The following CDH10 variants were observed in gnomAD, a reference collection of about 807,000 sequenced individuals.
CDH10 encodes the protein cadherin-10.
Under a neutral mutation model 73.1 loss-of-function variants are expected in CDH10, and 30 were observed. The ratio of observed to expected loss-of-function variants is 0.41; its 90% confidence interval spans 0.31 to 0.56. CDH10 has a LOEUF of 0.56. Among genes scored for constraint, CDH10 ranks in the 20% least tolerant of loss-of-function variants. The probability of loss-of-function intolerance (pLI) is 0.27; values close to 1 mark genes in which losing one functional copy is unlikely to be tolerated. For synonymous variants in CDH10, 345 were observed against 348.2 expected, an observed-to-expected ratio of 0.99 and a Z score of 0.10; for missense variants, 815 against 973.7, an observed-to-expected ratio of 0.84 and a Z score of 2.17.
At chr5:24,586,819 T>C (rs1266504217) in intron 2 of CDH10, among the ~76,000 whole-genome samples, 1 of 148,224 alleles carries the variant, frequency 6.7e-6, no homozygotes, top group African/African-American at 2.5e-5. Context: ...ATAATAATAG[T>C]AAAACAATAA....
intron 11 of CDH10, among the ~76,000 whole-genome samples, chr5:24,488,615 A>G (rs542559426): frequency 1.3e-5 from 2 of 152,174 alleles, no homozygotes; most frequent in African/African-American, 2.4e-5. Flanking sequence ...AAAAAGCAAC[A>G]TCATTCACAA....
At chr5:24,582,890 T>A (rs545991489) in intron 2 of CDH10, among the ~76,000 whole-genome samples, 1 of 152,306 alleles carries the variant, frequency 6.6e-6, no homozygotes, top group African/African-American at 2.4e-5. Context: ...AATAGTTACT[T>A]TCCTAGTCAT....
Position 24,593,119 on chromosome 5 carries a change from T to G in CDH10, c.231+141A>C. 7.1e-6 allele frequency: 4 copies of G among 560,718 alleles called. No homozygotes were observed. In the South Asian group the frequency reaches 1.0e-4, roughly 14 times the overall value. The allele number at this position is 560,718 out of a possible 1,614,324, so 34.7% of individuals were successfully genotyped here. On this transcript the variant is annotated intron_variant, in intron 2 of 11. Coordinates refer to ENST00000264463, the MANE Select transcript of CDH10 (RefSeq NM_006727.5). ...TCCACAGTTTTTATCAAATTGGAAT[T>G]CGTGTTCCATAAACAAAAATCCTTT... is the stretch of plus-strand genomic sequence containing the variant.
intron 2 of CDH10, among the ~76,000 whole-genome samples, chr5:24,590,997 T>C (rs1256786835): frequency 6.6e-6 from 1 of 152,082 alleles, no homozygotes; most frequent in African/African-American, 2.4e-5. Context: ...GATAAATTCC[T>C]TATAAATAAT....
chr5:24,560,844 C>T (rs16893515), intron 2 of CDH10, among the ~76,000 whole-genome samples: 5,559 of 152,158 alleles, frequency 0.037, 190 homozygotes, highest in Middle Eastern at 0.11. Context: ...AAAGTTGTTA[C>T]TCTGTGGTGT....
At chr5:24,549,647 G>T (rs1402995318) in intron 2 of CDH10, among the ~76,000 whole-genome samples, 4 of 150,802 alleles carry the variant, frequency 2.7e-5, no homozygotes, top group African/African-American at 9.8e-5. Context: ...CGCCTCCTGG[G>T]TTCAAGCGAT....
chr5:24,498,313 T>C (rs1489296828), intron 9 of CDH10, 85 bp downstream of exon 9: 3 of 808,962 alleles, frequency 3.7e-6, no homozygotes, highest in South Asian at 3.5e-5. Context: ...CATCTCTGTG[T>C]ATTCTTTCCT....
At chr5:24,580,858 G>A (rs917734490) in intron 2 of CDH10, among the ~76,000 whole-genome samples, 1 of 152,090 alleles carries the variant, frequency 6.6e-6, no homozygotes, top group African/African-American at 2.4e-5. Context: ...TGTGGCTTGT[G>A]TCCCCTTCCT....
intron 5 of CDH10, among the ~76,000 whole-genome samples, chr5:24,512,489 A>C (rs1174957891): frequency 6.7e-6 from 1 of 149,982 alleles, no homozygotes; most frequent in Non-Finnish European, 1.5e-5. Context: ...TACAAAATCC[A>C]ATGAAATCAG....
intron 5 of CDH10, among the ~76,000 whole-genome samples, chr5:24,529,914 T>C (rs1743669987): frequency 6.6e-6 from 1 of 151,958 alleles, no homozygotes. Context: ...CTCATACCCA[T>C]TGTTAAGTGG....
rs1209448007 is a variant in CDH10, at chr5:24,492,863, GA to G, written c.1577del (p.Phe526SerfsTer3). 2.6e-5 allele frequency: 41 copies of G among 1,588,916 alleles called. No individual in the cohort carries two copies. Among genetic ancestry groups the G allele is most frequent in the Middle Eastern group, 1.7e-4 (1 of 6,010 alleles). ...AGTTTGGATTGACAGCAGCTAAACT[GA>G]AAAAAAATTTCTGTCCACCTAAAGG... Reference protein sequence around the residue: ...DDPLGGQKFFFSLAAVNPNFT... With the variant: ...DDPLGGQKFFXSLAAVNPNFT... On this transcript the variant is annotated frameshift_variant, in exon 10 of 12. Transcript: ENST00000264463. LOFTEE classifies it high-confidence loss of function.
At chr5:24,511,130 T>C (rs1742887406) in intron 6 of CDH10, among the ~76,000 whole-genome samples, 197 bp downstream of exon 6, 1 of 152,220 alleles carries the variant, frequency 6.6e-6, no homozygotes, top group Non-Finnish European at 1.5e-5. Flanking sequence ...GTTTCCTGTC[T>C]CAATCAACCA....
At chr5:24,524,609 C>T (rs991774556) in intron 5 of CDH10, among the ~76,000 whole-genome samples, 1 of 152,024 alleles carries the variant, frequency 6.6e-6, no homozygotes, top group Non-Finnish European at 1.5e-5. Context: ...ATCTGCTCCC[C>T]TTTTAATGTT....
intron 2 of CDH10, among the ~76,000 whole-genome samples, chr5:24,542,894 G>T (rs1744209360): frequency 6.6e-6 from 1 of 151,906 alleles, no homozygotes; most frequent in Admixed American, 6.6e-5. Flanking sequence ...CCTCACAAAG[G>T]CCCCACCTCC....
chr5:24,617,089 A>C (rs971596970), intron 1 of CDH10, among the ~76,000 whole-genome samples: 2 of 152,154 alleles, frequency 1.3e-5, no homozygotes, highest in Admixed American at 6.5e-5. Flanking sequence ...ATTCAAAATG[A>C]GTATATATCA....
chr5:24,490,526 T>C (rs369175425), intron 11 of CDH10, among the ~76,000 whole-genome samples: 4 of 152,214 alleles, frequency 2.6e-5, no homozygotes, highest in Admixed American at 6.5e-5. Context: ...TTATCTACCA[T>C]AAGTAATTTA....
At chr5:24,527,534 C>T (rs142052557) in intron 5 of CDH10, among the ~76,000 whole-genome samples, 2,163 of 151,706 alleles carry the variant, frequency 0.014, 31 homozygotes, top group Non-Finnish European at 0.023. Context: ...TTACACAAAC[C>T]TAGATGGTAT....
intron 1 of CDH10, among the ~76,000 whole-genome samples, chr5:24,595,805 T>C: frequency 6.6e-6 from 1 of 151,972 alleles, no homozygotes; most frequent in East Asian, 1.9e-4. Context: ...GTGATCATTT[T>C]CAATACAGTT....
At chr5:24,608,673 A>C (rs1363942441) in intron 1 of CDH10, among the ~76,000 whole-genome samples, 1 of 152,248 alleles carries the variant, frequency 6.6e-6, no homozygotes, top group East Asian at 1.9e-4. Context: ...CAGTGAAAAC[A>C]CATTTAAAAA....
Sources: allele counts gnomAD v4.1 joint callset (sites outside exome capture counted in the v4.1 genomes callset), GRCh38; gene constraint gnomAD v4.1.1; transcripts MANE v1.5; gene names NCBI Gene and HGNC (gene_info 2026-07-23, HGNC 2026-07-21).